Variants in PRR16 observed in about 807,000 individuals in gnomAD.
The protein encoded by PRR16 is proline rich 16, also known as protein Largen.
Under a neutral mutation model 18.2 loss-of-function variants are expected in PRR16, and 6 were observed. The ratio of observed to expected loss-of-function variants is 0.33; its 90% CI spans 0.18 to 0.65. The LOEUF (loss-of-function observed/expected upper bound fraction) is 0.65. PRR16 is among the 30% of genes least tolerant of loss of function. The pLI is 0.74. For missense variants in PRR16, 412 were observed against 376.6 expected, an observed-to-expected ratio of 1.09 and a Z score of -0.78; for synonymous variants, 151 against 147.8, an observed-to-expected ratio of 1.02 and a Z score of -0.16.
intron 1 of PRR16, 100 bp downstream of exon 1, chr5:120,464,745 G>A (rs575693917): frequency 1.3e-4 from 165 of 1,316,282 alleles, no homozygotes; most frequent in Non-Finnish European, 1.6e-4. Flanking sequence ...CCAAACTCCT[G>A]GGAAACTACA....
intron 1 of PRR16, among the ~76,000 whole-genome samples, chr5:120,565,859 C>T (rs1436190388): frequency 6.6e-6 from 1 of 152,196 alleles, no homozygotes; most frequent in East Asian, 1.9e-4. Flanking sequence ...TTGCATCATG[C>T]ATTCTTTCTG....
chr5:120,737,861 A>G, the PRR16 span, among the ~76,000 whole-genome samples: 1 of 152,008 alleles, frequency 6.6e-6, no homozygotes, highest in African/African-American at 2.4e-5. Flanking sequence ...TGTATTTCTA[A>G]TAATGTATCC....
At chr5:120,753,742 C>T in the PRR16 span, among the ~76,000 whole-genome samples, 1 of 147,388 alleles carries the variant, frequency 6.8e-6, no homozygotes, top group Non-Finnish European at 1.5e-5. Flanking sequence ...TATATAATAT[C>T]ATTATTCAAA....
chr5:120,702,355 T>A, the PRR16 span, among the ~76,000 whole-genome samples: 1 of 151,162 alleles, frequency 6.6e-6, no homozygotes, highest in Non-Finnish European at 1.5e-5. Flanking sequence ...GATACGAGGT[T>A]GGGGTACTTG....
At chr5:120,495,055 C>T (rs373900176) in intron 1 of PRR16, among the ~76,000 whole-genome samples, 111 of 151,968 alleles carry the variant, frequency 7.3e-4, no homozygotes, top group African/African-American at 2.5e-3. Context: ...AAATGGCTTT[C>T]GCTATTATAA....
intron 1 of PRR16, among the ~76,000 whole-genome samples, chr5:120,593,264 C>T (rs1057184552): frequency 1.4e-4 from 21 of 151,530 alleles, no homozygotes; most frequent in African/African-American, 5.1e-4. Flanking sequence ...AGACTACTAA[C>T]TAGAAGGAAA....
chr5:120,609,072 A>G (rs1754249170), intron 1 of PRR16, among the ~76,000 whole-genome samples: 1 of 151,792 alleles, frequency 6.6e-6, no homozygotes. Context: ...TTTATTTCAT[A>G]AGAAGAGATG....
chr5:120,629,875 A>G (rs1286882283), intron 1 of PRR16, among the ~76,000 whole-genome samples: 2 of 144,990 alleles, frequency 1.4e-5, no homozygotes, highest in Admixed American at 6.8e-5. Flanking sequence ...TCTGGGCTGC[A>G]TTGTTGCTTT....
chr5:120,686,478 C>G lies in PRR16; in HGVS notation c.684C>G (p.Asn228Lys), dbSNP rs1258222552. Residue 228 changes from asparagine (N) to lysine (K), a missense_variant, in exon 2 of 2, where the codon AAC becomes AAG. Asn to Lys is a moderately conservative substitution (Grantham distance 94). Coordinates refer to ENST00000407149, the MANE Select transcript of PRR16 (RefSeq NM_001300783.2). The part of the protein sequence containing the change: ...PDCDTRYNIK[N>K]REVHLHSEPV... Reference sequence around the variant, plus strand: ...GTGATACCCGGTATAACATAAAAAACAGGGAGGTCCACTTACACAGTGAAC... The same window carrying G: ...GTGATACCCGGTATAACATAAAAAAGAGGGAGGTCCACTTACACAGTGAAC... The G allele has an allele frequency of 6.2e-7, 1 of 1,614,064 alleles. No homozygotes were observed. The highest frequency in any genetic ancestry group is 1.7e-5 in the Admixed American group (1 of 59,998).
At chr5:120,497,227 G>A (rs1215891288) in intron 1 of PRR16, among the ~76,000 whole-genome samples, 1 of 151,820 alleles carries the variant, frequency 6.6e-6, no homozygotes, top group Non-Finnish European at 1.5e-5. Context: ...ATTGGCTCAT[G>A]GTACTGTTTA....
intron 1 of PRR16, among the ~76,000 whole-genome samples, chr5:120,521,003 G>T (rs1751161624): frequency 6.6e-6 from 1 of 152,108 alleles, no homozygotes; most frequent in Non-Finnish European, 1.5e-5. Flanking sequence ...ATCAATAAGG[G>T]AATAAGTAAA....
At chr5:120,718,591 A>G in the PRR16 span, among the ~76,000 whole-genome samples, 7 of 152,210 alleles carry the variant, frequency 4.6e-5, no homozygotes, top group Middle Eastern at 0.01. Flanking sequence ...ATTGGCCAAC[A>G]TTGTGTCTAC....
chr5:120,753,869 A>G, the PRR16 span, among the ~76,000 whole-genome samples: 1 of 59,686 alleles, frequency 1.7e-5, no homozygotes. Context: ...TATCTTATAT[A>G]TTATATATTT....
At chr5:120,636,928 TCAAA>T (rs1755246334) in intron 1 of PRR16, among the ~76,000 whole-genome samples, 1 of 151,726 alleles carries the variant, frequency 6.6e-6, no homozygotes, top group Non-Finnish European at 1.5e-5. Flanking sequence ...TGCAAATAAC[TCAAA>T]CAAATTGCAA....
intron 1 of PRR16, among the ~76,000 whole-genome samples, chr5:120,570,668 G>A (rs796997434): frequency 2.6e-5 from 4 of 152,088 alleles, no homozygotes; most frequent in African/African-American, 7.2e-5. Context: ...CTAGACAATA[G>A]TGCATTAAGT....
chr5:120,710,659 A>G, the PRR16 span: 2 of 152,148 alleles, frequency 1.3e-5, no homozygotes, highest in Admixed American at 1.3e-4. Flanking sequence ...TAGTCGCTCA[A>G]AAAGACACAA....
At chr5:120,598,585 G>T (rs1026342364) in intron 1 of PRR16, among the ~76,000 whole-genome samples, 1 of 151,692 alleles carries the variant, frequency 6.6e-6, no homozygotes, top group African/African-American at 2.4e-5. Context: ...CTCCAACACT[G>T]CCCCCTCTAG....
chr5:120,478,934 T>G (rs112415600), intron 1 of PRR16, among the ~76,000 whole-genome samples: 1 of 152,058 alleles, frequency 6.6e-6, no homozygotes, highest in Non-Finnish European at 1.5e-5. Flanking sequence ...ATATTGGATA[T>G]AGTTTAAGTA....
chr5:120,744,704 TTTC>T, the PRR16 span, among the ~76,000 whole-genome samples: 1 of 152,220 alleles, frequency 6.6e-6, no homozygotes, highest in Non-Finnish European at 1.5e-5. Flanking sequence ...TAGTCCACAT[TTTC>T]TATTTGTATC....
Sources: allele counts gnomAD v4.1 joint callset (sites outside exome capture counted in the v4.1 genomes callset), GRCh38; gene constraint gnomAD v4.1.1; transcripts MANE v1.5; gene names NCBI Gene and HGNC (gene_info 2026-07-23, HGNC 2026-07-21).